Variants in CTPS2 observed in about 807,000 individuals in gnomAD.
CTPS2 encodes CTP synthase 2.
Under a neutral mutation model 46.8 loss-of-function variants are expected in CTPS2, and 19 were observed. That is an observed-to-expected ratio of 0.41 (90% CI 0.28 to 0.60). The LOEUF (loss-of-function observed/expected upper bound fraction) is 0.60. Among genes scored for constraint, CTPS2 ranks in the 20% least tolerant of loss-of-function variants. The pLI, the probability that CTPS2 is intolerant of heterozygous loss-of-function variation, is 0.35. For synonymous variants in CTPS2, 151 were observed against 165.2 expected (o/e 0.91, Z 0.66); for missense variants, 286 against 447.6 (o/e 0.64, Z 3.26).
chrX:16,679,378 T>C (rs899732251), intron 9 of CTPS2, among the ~76,000 whole-genome samples: 1 of 106,527 alleles, frequency 9.4e-6, no homozygotes, highest in Admixed American at 1.0e-4. Context: ...AAAATAAAAA[T>C]AAATAAAAAA....
In CTPS2 at chrX:16,625,337, C is replaced by T. The variant is rs1203402521; in HGVS notation, c.1394-5005G>A. On this transcript the variant is annotated intron_variant, in intron 14 of 18. Coordinates refer to ENST00000359276, the MANE Select transcript of CTPS2 (RefSeq NM_175859.3). ...CTACTTCAAGGAGGTATCGATAAAA[C>T]GAGAGAGTTCCCTGACCCCCCTCAC... 5.3e-5 allele frequency among the ~76,000 whole-genome samples: 6 copies of T among 112,351 alleles called. No homozygotes were observed. In the South Asian group the frequency reaches 1.1e-3, roughly 21 times the overall value.
chrX:16,602,248 G>T (rs1020340930), intron 17 of CTPS2, among the ~76,000 whole-genome samples: 1 of 111,503 alleles, frequency 9.0e-6, no homozygotes, highest in Admixed American at 9.5e-5. Flanking sequence ...GGGACTGTGC[G>T]CTTGCAGGTC....
intron 17 of CTPS2, among the ~76,000 whole-genome samples, chrX:16,591,491 T>C (rs1928898249): frequency 9.0e-6 from 1 of 111,273 alleles, no homozygotes; most frequent in African/African-American, 3.3e-5. Flanking sequence ...CCTTTGGCAA[T>C]GAGGGAGTTC....
chrX:16,599,758 G>A (rs1430984270), intron 17 of CTPS2, among the ~76,000 whole-genome samples: 8 of 96,847 alleles, frequency 8.3e-5, no homozygotes, highest in African/African-American at 3.2e-4. Context: ...TAACAGGCGT[G>A]AGCCACCGCA....
chrX:16,637,297 C>A (rs1931803547), intron 14 of CTPS2, among the ~76,000 whole-genome samples: 1 of 111,575 alleles, frequency 9.0e-6, no homozygotes, highest in Admixed American at 9.5e-5. Context: ...TGGCTCACTG[C>A]AGCCTCAACC....
At chrX:16,621,837 T>C (rs1287600300) in intron 14 of CTPS2, among the ~76,000 whole-genome samples, 1 of 112,050 alleles carries the variant, frequency 8.9e-6, no homozygotes, top group Non-Finnish European at 1.9e-5. Context: ...TATTCTCATA[T>C]AACTTTGTAC....
chrX:16,606,812 A>G (rs1292678846), intron 17 of CTPS2, among the ~76,000 whole-genome samples: 4 of 110,492 alleles, frequency 3.6e-5, no homozygotes, highest in Non-Finnish European at 7.6e-5. Context: ...CCCAAGCTGG[A>G]GTGCAGTGGT....
chrX:16,627,983 T>A (rs1157782130), intron 14 of CTPS2, among the ~76,000 whole-genome samples: 2 of 111,636 alleles, frequency 1.8e-5, no homozygotes, highest in African/African-American at 6.5e-5. Context: ...GTGACCTGGA[T>A]GAGTGACTTA....
At chrX:16,610,049 T>C (rs191094268) in intron 16 of CTPS2, among the ~76,000 whole-genome samples, 292 of 111,740 alleles carry the variant, frequency 2.6e-3, no homozygotes, top group Non-Finnish European at 2.4e-3. Context: ...TTTCTTTAGG[T>C]GGCTTCAGGC....
chrX:16,614,439 G>A (rs1930422483), intron 16 of CTPS2, among the ~76,000 whole-genome samples: 1 of 112,857 alleles, frequency 8.9e-6, no homozygotes, highest in East Asian at 2.8e-4. Flanking sequence ...ACAGGTCAAG[G>A]AGGCACGTGA....
Position 16,702,919 on chromosome X carries a change from G to A in CTPS2, c.-17C>T. The A allele has an allele frequency of 2.5e-6, 3 of 1,189,452 alleles. No individual in the cohort carries two copies. Among genetic ancestry groups the A allele is most frequent in the African/African-American group, 3.5e-5 (2 of 57,336 alleles). On this transcript the variant is annotated 5_prime_UTR_variant, in exon 2 of 19. Transcript: ENST00000359276. ...GTACTTCATTGGCAGAATAGTGGCTGGGTGCCAACACCCAGATATAATCTG... is the reference window on the plus strand; with the variant it reads ...GTACTTCATTGGCAGAATAGTGGCTAGGTGCCAACACCCAGATATAATCTG...
Position 16,639,235 on chromosome X carries a change from A to G in CTPS2, c.1305T>C (p.Asp435=), listed in dbSNP as rs774248897. Residue 435 remains aspartate, a synonymous_variant, in exon 14 of 19, where the codon GAT becomes GAC. Transcript: ENST00000359276. ...RPNAPVPLVI[D]MPEHNPGNLG... ...AATTGCCAGGGTTGTGCTCGGGCAT[A>G]TCAATCACCTTAGAAAACAAAACAA... The G allele has an allele frequency of 8.4e-7, 1 of 1,195,747 alleles. No homozygotes were observed. Among genetic ancestry groups the G allele is most frequent in the Admixed American group, 2.2e-5 (1 of 46,023 alleles).
chrX:16,640,312 T>G (rs983189033), intron 13 of CTPS2, among the ~76,000 whole-genome samples: 3 of 111,085 alleles, frequency 2.7e-5, no homozygotes, highest in African/African-American at 9.8e-5. Context: ...CTCCTCCCAT[T>G]CCTCTGCCCT....
intron 11 of CTPS2, among the ~76,000 whole-genome samples, chrX:16,668,710 GGGGAGGGAA>G (rs1351081178): frequency 8.4e-5 from 8 of 95,016 alleles, no homozygotes; most frequent in African/African-American, 2.8e-4. Context: ...GGAAAAGGAA[GGGGAGGGAA>G]GGGAGGGAAG....
intron 14 of CTPS2, among the ~76,000 whole-genome samples, chrX:16,637,515 A>T (rs1931816687): frequency 1.8e-5 from 2 of 112,807 alleles, no homozygotes; most frequent in Non-Finnish European, 3.7e-5. Flanking sequence ...TGGCCAAGAA[A>T]AATCTTAAAT....
chrX:16,680,054 C>T (rs748513037), intron 9 of CTPS2, among the ~76,000 whole-genome samples: 20 of 111,227 alleles, frequency 1.8e-4, no homozygotes, highest in African/African-American at 6.5e-4. Context: ...CAGCTGGAAA[C>T]CAGCCCGGAA....
chrX:16,706,143 A>G (rs1383478964), intron 1 of CTPS2, among the ~76,000 whole-genome samples: 1 of 110,296 alleles, frequency 9.1e-6, no homozygotes, highest in Non-Finnish European at 1.9e-5. Flanking sequence ...AAATAAAGTC[A>G]CCAGGCACAG....
Position 16,684,338 on chromosome X carries a change from G to A in CTPS2, c.873-1112C>T, listed in dbSNP as rs184296688. ...ATCCTGGCCAACATGGTGAAACCTCGTCTCTACTAAAAATACAAAAATTAG... is the reference window on the plus strand; with the variant it reads ...ATCCTGGCCAACATGGTGAAACCTCATCTCTACTAAAAATACAAAAATTAG... On this transcript the variant is annotated intron_variant, in intron 8 of 18. Transcript: ENST00000359276. Among the ~76,000 whole-genome samples, 349 of 109,095 alleles carry A rather than the reference G, an allele frequency of 3.2e-3. 1 individual carries two copies. The highest frequency in any genetic ancestry group is 9.6e-3 in the African/African-American group (287 of 29,988). The allele number at this position is 109,095 out of a possible 115,157, so 94.7% of individuals were successfully genotyped here. A position where few individuals can be genotyped will look rare whatever the true frequency, so the allele number is the denominator to read the frequency against.
At position 16,692,784 on chromosome X, in the gene CTPS2, T is replaced by A. The variant is rs191929165; in HGVS notation, c.639+357A>T. ...TAAAGAAGTGAAGGGCAGCCAGGCA[T>A]GGTGGCTCTTGGCTGTAATCCCAAG... On this transcript the variant is annotated intron_variant, in intron 6 of 18. Coordinates refer to ENST00000359276, the MANE Select transcript of CTPS2 (RefSeq NM_175859.3). Among the ~76,000 whole-genome samples, 342 of 111,039 alleles carry A rather than the reference T, an allele frequency of 3.1e-3. 1 individual carries two copies. Among genetic ancestry groups the A allele is most frequent in the African/African-American group, 9.6e-3 (294 of 30,591 alleles).
Sources: gnomAD v4.1 joint callset for allele counts (sites outside exome capture counted in the v4.1 genomes callset) on GRCh38, gnomAD v4.1.1 for gene constraint, MANE v1.5 for transcripts, NCBI Gene and HGNC (gene_info 2026-07-23, HGNC 2026-07-21) for gene names.